The following CFAP46 variants were observed in gnomAD, a reference collection of about 807,000 sequenced individuals.
CFAP46 encodes cilia- and flagella-associated protein 46.
A neutral mutation model predicts 325.7 loss-of-function variants in CFAP46; 245 were observed. That is an observed-to-expected ratio of 0.75 (90% CI 0.68 to 0.84). The LOEUF is 0.84. CFAP46 is among the 40% of genes least tolerant of loss of function. The pLI, the probability that CFAP46 is intolerant of heterozygous loss-of-function variation, is 0.00. For missense variants in CFAP46, 3,346 were observed against 3,543.0 expected, an observed-to-expected ratio of 0.94 and a Z score of 1.41; for synonymous variants, 1,523 against 1,495.9, an observed-to-expected ratio of 1.02 and a Z score of -0.42.
intron 54 of CFAP46, 66 bp downstream of exon 54, chr10:132,814,086 G>A: frequency 1.5e-6 from 2 of 1,325,088 alleles, no homozygotes; most frequent in Non-Finnish European, 2.2e-6. Flanking sequence ...GTAGGGGGCA[G>A]TGGCTCCCCG....
Position 132,922,146 on chromosome 10 carries a change from C to G in CFAP46, c.1564G>C (p.Asp522His), listed in dbSNP as rs1591092716. The change falls in exon 13 of 58, where the codon GAC becomes CAC. Residue 522 changes from aspartate to histidine, a missense_variant. By Grantham distance (81) the Asp-to-His change is moderately conservative. Coordinates refer to ENST00000368586, the MANE Select transcript of CFAP46 (RefSeq NM_001200049.3). ...CTGTCCAGCACAATCTGAAACGCGT[C>G]AGGGGCTAAGGCCAGGCCTGCATTC... ...LVNAGLALAP[D>H]AFQIVLDSEN... 3 of 1,550,300 alleles carry G rather than the reference C, an allele frequency of 1.9e-6. No individual in the cohort carries two copies. The highest frequency in any genetic ancestry group is 2.6e-6 in the Non-Finnish European group (3 of 1,146,972).
chr10:132,899,492 C>A (rs937693875), intron 23 of CFAP46, 43 bp downstream of exon 23: 2 of 1,510,926 alleles, frequency 1.3e-6, no homozygotes, highest in Non-Finnish European at 1.8e-6. Context: ...CCCGCACGGC[C>A]GGGGAGGGAC....
Position 132,854,376 on chromosome 10 carries a change from G to A in CFAP46, c.5575-3071C>T, listed in dbSNP as rs189768792. Among the ~76,000 whole-genome samples, 1,418 of 151,780 alleles carry A rather than the reference G, an allele frequency of 9.3e-3. 13 individuals carry two copies. The highest frequency in any genetic ancestry group is 0.045 in the South Asian group (214 of 4,802). Reference sequence around the variant, plus strand: ...TTTTGAGATGGAGTTTCGCTCTGTCGCCCAGGCTGGAGTGCAGTGGCGTGA... The same window carrying A: ...TTTTGAGATGGAGTTTCGCTCTGTCACCCAGGCTGGAGTGCAGTGGCGTGA... On this transcript the variant is annotated intron_variant, in intron 39 of 57. Coordinates refer to ENST00000368586, the MANE Select transcript of CFAP46 (RefSeq NM_001200049.3).
At chr10:132,878,928 A>G (rs1307499681) in intron 29 of CFAP46, among the ~76,000 whole-genome samples, 3 of 152,136 alleles carry the variant, frequency 2.0e-5, no homozygotes, top group African/African-American at 7.2e-5. Context: ...TGGGCTTTAC[A>G]GGGAGAGGTG....
At chr10:132,822,565 T>G (rs1396854828) in intron 50 of CFAP46, among the ~76,000 whole-genome samples, 8 of 134,344 alleles carry the variant, frequency 6.0e-5, no homozygotes, top group African/African-American at 2.3e-4. Context: ...TGCGCTGATG[T>G]GTGCTGTGTG....
Position 132,820,692 on chromosome 10 carries a change from T to TGCTGATGTGTGCTGTGTGTGC in CFAP46, c.7118-5799_7118-5779dup, listed in dbSNP as rs1459470451. Among the ~76,000 whole-genome samples, 23 of 113,544 alleles carry TGCTGATGTGTGCTGTGTGTGC rather than the reference T, an allele frequency of 2.0e-4. 1 individual carries two copies. Among genetic ancestry groups the TGCTGATGTGTGCTGTGTGTGC allele is most frequent in the Non-Finnish European group, 2.3e-4 (12 of 52,640 alleles). 74.5% of individuals were successfully genotyped at this position (113,544 alleles called of 152,430 possible). ...TGTGTGCACTGATGTGTGCTGTGTGTGCTGATGTGTGCTGTGTGTGCGCTG... is the reference window on the plus strand; with the variant it reads ...TGTGTGCACTGATGTGTGCTGTGTGTGCTGATGTGTGCTGTGTGTGCGCTGATGTGTGCTGTGTGTGCGCTG... On this transcript the variant is annotated intron_variant, in intron 50 of 57. Transcript: ENST00000368586.
chr10:132,936,188 AGCC>A (rs1564806423), intron 7 of CFAP46, among the ~76,000 whole-genome samples: 5 of 66,236 alleles, frequency 7.5e-5, no homozygotes, highest in Middle Eastern at 0.014. Flanking sequence ...CACTCCCCTC[AGCC>A]CCCAAACACA....
At position 132,877,938 on chromosome 10, in the gene CFAP46, C is replaced by T. The variant is rs1848980106; in HGVS notation, c.4155G>A (p.Arg1385=). The change falls in exon 30 of 58, where the codon AGG becomes AGA. Residue 1385 remains arginine (R), a synonymous_variant. Coordinates refer to ENST00000368586, the MANE Select transcript of CFAP46 (RefSeq NM_001200049.3). This position sits in a 1 kb window ranked among gnomAD's most constrained non-coding sequence, Gnocchi z 5.7. The part of the protein sequence containing the change: ...KERSKEKENE[R]SKEKDKEKGK... The stretch of plus-strand genomic sequence containing the variant: ...CCTTCTCCTTGTCCTTCTCTTTACT[C>T]CTCTCATTCTCCTTCTCTTTACTCC... 1 of 1,550,282 alleles carries T rather than the reference C, an allele frequency of 6.5e-7. No individual in the cohort carries two copies. Among genetic ancestry groups the T allele is most frequent in the Non-Finnish European group, 8.7e-7 (1 of 1,146,714 alleles).
chr10:132,898,901 T>C, intron 24 of CFAP46, 58 bp downstream of exon 24: 1 of 1,538,478 alleles, frequency 6.5e-7, no homozygotes. Context: ...CGGTCCTTTC[T>C]GGAAGACCCA....
intron 55 of CFAP46, among the ~76,000 whole-genome samples, chr10:132,812,384 G>A (rs1036475481): frequency 2.6e-5 from 4 of 152,182 alleles, no homozygotes; most frequent in South Asian, 2.1e-4. Context: ...GCGAGGTCCC[G>A]AGTGCCCACG....
chr10:132,921,976 G>A (rs544464423), intron 13 of CFAP46, 128 bp downstream of exon 13: 105 of 1,190,950 alleles, frequency 8.8e-5, no homozygotes, highest in East Asian at 3.7e-4. Flanking sequence ...GGACACTGCC[G>A]GTGCAAGGTC....
At chr10:132,812,208 C>A (rs565512055) in intron 55 of CFAP46, among the ~76,000 whole-genome samples, 2 of 152,332 alleles carry the variant, frequency 1.3e-5, no homozygotes, top group East Asian at 3.9e-4. Flanking sequence ...GGTGACGTAC[C>A]CCTACGTGTG....
rs1473358675 is a variant in CFAP46, at chr10:132,828,202, C to A, written c.7117+5156G>T. Among the ~76,000 whole-genome samples, 2 of 152,350 alleles carry A rather than the reference C, an allele frequency of 1.3e-5. No individual in the cohort carries two copies. The highest frequency in any genetic ancestry group is 3.9e-4 in the East Asian group (2 of 5,190). ...TGAGTTTCTGCGGGACGCGTGTCTC[C>A]TTATCTCTTTGGTAGATGGAGTGGA... is the stretch of plus-strand genomic sequence containing the variant. On this transcript the variant is annotated intron_variant, in intron 50 of 57. Coordinates refer to ENST00000368586, the MANE Select transcript of CFAP46 (RefSeq NM_001200049.3). This position sits in a 1 kb window ranked among gnomAD's most constrained non-coding sequence, Gnocchi z 4.9.
Position 132,818,839 on chromosome 10 carries a change from G to T in CFAP46, c.7118-3925C>A, listed in dbSNP as rs541751487. ...ACTGCACTCTAGCCTGGGCAACAGA[G>T]TGAGACTCCATCTCCAGAAAAAAAA... On this transcript the variant is annotated intron_variant, in intron 50 of 57. Coordinates refer to ENST00000368586, the MANE Select transcript of CFAP46 (RefSeq NM_001200049.3). 3.7e-3 allele frequency among the ~76,000 whole-genome samples: 550 copies of T among 149,958 alleles called. 7 individuals are homozygous for T. The highest frequency in any genetic ancestry group is 0.013 in the African/African-American group (525 of 40,596).
intron 13 of CFAP46, among the ~76,000 whole-genome samples, chr10:132,921,898 C>T (rs1319869020): frequency 1.3e-5 from 2 of 152,224 alleles, no homozygotes; most frequent in Admixed American, 1.3e-4. Flanking sequence ...ACAGGGCACC[C>T]GACTTGACTG....
chr10:132,938,053 G>A (rs1850037566), intron 5 of CFAP46, among the ~76,000 whole-genome samples: 1 of 152,180 alleles, frequency 6.6e-6, no homozygotes, highest in African/African-American at 2.4e-5. Context: ...CCTGCACAGA[G>A]AGTGCCGCAG....
chr10:132,836,769 GC>G, intron 45 of CFAP46, 47 bp downstream of exon 45: 1 of 1,505,598 alleles, frequency 6.6e-7, no homozygotes, highest in Non-Finnish European at 9.2e-7. Context: ...CCTCCCTGAG[GC>G]CTCTCAGCGG....
At chr10:132,820,946 CTGTGTGT>C (rs1847794888) in intron 50 of CFAP46, among the ~76,000 whole-genome samples, 1 of 77,484 alleles carries the variant, frequency 1.3e-5, no homozygotes. Flanking sequence ...CTGATGTGTG[CTGTGTGT>C]GCTGATGTGT....
intron 13 of CFAP46, 141 bp downstream of exon 13, chr10:132,921,963 G>A (rs1033273024): frequency 1.2e-5 from 13 of 1,113,078 alleles, no homozygotes; most frequent in East Asian, 5.3e-5. Context: ...GGCCGAGATC[G>A]AAGGACACTG....
Sources: allele counts gnomAD v4.1 joint callset (sites outside exome capture counted in the v4.1 genomes callset), GRCh38; gene constraint gnomAD v4.1.1; non-coding constraint Gnocchi (gnomAD v3.1); transcripts MANE v1.5; gene names NCBI Gene and HGNC (gene_info 2026-07-23, HGNC 2026-07-21).